AFF3: variants seen among roughly 807,000 people sequenced by gnomAD.
AFF3 encodes the protein AF4/FMR2 family member 3.
AFF3 carries 32 observed loss-of-function variants against 129.7 expected under a neutral mutation model. The observed-to-expected ratio is 0.25, with a 90% CI of 0.19 to 0.33. The LOEUF (loss-of-function observed/expected upper bound fraction) is 0.33, where lower values mean the gene tolerates loss of function less well. Ranked by LOEUF, AFF3 falls within the 10% of genes least tolerant of loss-of-function variation. The probability of loss-of-function intolerance (pLI) is 1.00; values close to 1 mark genes in which losing one functional copy is unlikely to be tolerated. For missense variants in AFF3, 1,373 were observed against 1,592.0 expected (o/e 0.86, Z 2.34); for synonymous variants, 644 against 635.4 (o/e 1.01, Z -0.20).
At chr2:99,730,781 G>C (rs917050183) in intron 10 of AFF3, among the ~76,000 whole-genome samples, 5 of 152,042 alleles carry the variant, frequency 3.3e-5, no homozygotes, top group Admixed American at 1.3e-4. Flanking sequence ...CCAAAGTGCT[G>C]AGATTACAGG....
intron 8 of AFF3, among the ~76,000 whole-genome samples, chr2:99,755,329 C>T (rs1316990390): frequency 7.3e-5 from 11 of 150,544 alleles, no homozygotes; most frequent in Admixed American, 6.6e-4. Flanking sequence ...AGTGCAATGG[C>T]GCGATCTCAG....
chr2:99,976,345 T>C (rs1576465629), intron 7 of AFF3, among the ~76,000 whole-genome samples: 1 of 152,200 alleles, frequency 6.6e-6, no homozygotes, highest in Non-Finnish European at 1.5e-5. Context: ...ACGCATCCTA[T>C]TTTAGGTTTT....
chr2:99,693,232 A>C (rs1313790223), intron 11 of AFF3, among the ~76,000 whole-genome samples: 1 of 152,238 alleles, frequency 6.6e-6, no homozygotes, highest in Non-Finnish European at 1.5e-5. Context: ...CTGGAATCAA[A>C]GTCAGCATTA....
intron 8 of AFF3, among the ~76,000 whole-genome samples, chr2:99,790,275 C>G (rs149473617): frequency 6.6e-6 from 1 of 152,200 alleles, no homozygotes; most frequent in African/African-American, 2.4e-5. Context: ...ACTGGGCTAA[C>G]GTGGTAACTA....
At chr2:100,129,041 A>G (rs1319771217) in intron 2 of AFF3, among the ~76,000 whole-genome samples, 183 bp downstream of exon 2, 1 of 152,122 alleles carries the variant, frequency 6.6e-6, no homozygotes, top group Non-Finnish European at 1.5e-5. Context: ...AGGCCTGGCT[A>G]CCTTCTCAGT....
intron 7 of AFF3, among the ~76,000 whole-genome samples, chr2:99,944,354 T>C (rs1211194495): frequency 6.6e-6 from 1 of 152,232 alleles, no homozygotes; most frequent in East Asian, 1.9e-4. Flanking sequence ...GAGTTGAGTA[T>C]ATTGGGTTGA....
intron 12 of AFF3, among the ~76,000 whole-genome samples, chr2:99,654,438 A>C (rs1685564493): frequency 6.6e-6 from 1 of 152,180 alleles, no homozygotes; most frequent in Admixed American, 6.5e-5. Flanking sequence ...ATTTTATTTT[A>C]CTACTGGAAA....
chr2:99,884,213 G>A (rs1017825634), intron 7 of AFF3, among the ~76,000 whole-genome samples: 1 of 152,140 alleles, frequency 6.6e-6, no homozygotes, highest in African/African-American at 2.4e-5. Context: ...AAAAGTATAC[G>A]TATTTATGGG....
intron 4 of AFF3, among the ~76,000 whole-genome samples, chr2:100,045,778 C>A (rs867258533): frequency 2.7e-4 from 41 of 152,102 alleles, no homozygotes; most frequent in Admixed American, 7.9e-4. Context: ...AACATATTTT[C>A]TCTTGCTTAT....
At chr2:100,039,451 G>T (rs1685243389) in intron 4 of AFF3, among the ~76,000 whole-genome samples, 1 of 152,068 alleles carries the variant, frequency 6.6e-6, no homozygotes, top group African/African-American at 2.4e-5. Context: ...TCTGCTACTT[G>T]CGAGGCTGAG....
intron 7 of AFF3, among the ~76,000 whole-genome samples, chr2:99,844,234 T>C (rs1304142926): frequency 1.3e-5 from 2 of 151,824 alleles, no homozygotes; most frequent in African/African-American, 2.4e-5. Flanking sequence ...TTAAAAAAAT[T>C]ATTGAGGCAA....
intron 7 of AFF3, among the ~76,000 whole-genome samples, chr2:99,948,190 C>T (rs1187824594): frequency 6.6e-6 from 1 of 152,156 alleles, no homozygotes; most frequent in Non-Finnish European, 1.5e-5. Flanking sequence ...TAGGGTGGGA[C>T]TCGGAGCTCT....
intron 8 of AFF3, among the ~76,000 whole-genome samples, chr2:99,808,421 T>C (rs1686521801): frequency 6.6e-6 from 1 of 152,250 alleles, no homozygotes; most frequent in Non-Finnish European, 1.5e-5. Flanking sequence ...TTGTTCTTAC[T>C]GTAGTTCTTT....
chr2:99,945,172 A>G (rs1383339273), intron 7 of AFF3, among the ~76,000 whole-genome samples: 1 of 152,234 alleles, frequency 6.6e-6, no homozygotes, highest in Non-Finnish European at 1.5e-5. Flanking sequence ...ACCGGCAATC[A>G]ATCAAACAGC....
chr2:99,953,624 G>A (rs1164774675), intron 7 of AFF3, among the ~76,000 whole-genome samples: 1 of 152,148 alleles, frequency 6.6e-6, no homozygotes, highest in African/African-American at 2.4e-5. Flanking sequence ...GTACTGAAGT[G>A]GCTTACCAAT....
At chr2:99,689,867 A>T (rs1474240514) in intron 11 of AFF3, among the ~76,000 whole-genome samples, 1 of 151,712 alleles carries the variant, frequency 6.6e-6, no homozygotes, top group Non-Finnish European at 1.5e-5. Context: ...CAGGTGGATC[A>T]CCTGAGGTCA....
intron 7 of AFF3, among the ~76,000 whole-genome samples, chr2:99,840,858 CA>C (rs1689267362): frequency 1.3e-5 from 2 of 152,164 alleles, no homozygotes; most frequent in Non-Finnish European, 2.9e-5. Flanking sequence ...CTTTGGCGTT[CA>C]TGGTGGGAAT....
intron 8 of AFF3, among the ~76,000 whole-genome samples, chr2:99,821,478 GAAAAAAA>G (rs1687678157): frequency 3.8e-5 from 1 of 25,992 alleles, no homozygotes; most frequent in African/African-American, 6.7e-5. Flanking sequence ...CTAAAAAAAA[GAAAAAAA>G]GAAAAAAAGA....
At chr2:100,060,455 C>T (rs187498397) in intron 4 of AFF3, among the ~76,000 whole-genome samples, 3 of 152,274 alleles carry the variant, frequency 2.0e-5, no homozygotes, top group African/African-American at 4.8e-5. Context: ...CCTGCTTAAC[C>T]GGGCTACCTT....
Sources: gnomAD v4.1 joint callset for allele counts (sites outside exome capture counted in the v4.1 genomes callset) on GRCh38, gnomAD v4.1.1 for gene constraint, MANE v1.5 for transcripts, NCBI Gene and HGNC (gene_info 2026-07-23, HGNC 2026-07-21) for gene names.